Variants in ANK2 observed in about 807,000 individuals in gnomAD.
ANK2 encodes ankyrin 2, also known as ankyrin-2.
ANK2 carries 83 observed loss-of-function variants against 360.5 expected under a neutral mutation model. That is an observed-to-expected ratio of 0.23 (90% CI 0.19 to 0.28). The LOEUF is 0.28. ANK2 is among the 10% of genes least tolerant of loss of function. ANK2 has a pLI of 1.00. For missense variants in ANK2, 4,201 were observed against 4,795.7 expected (o/e 0.88, Z 3.66); for synonymous variants, 1,740 against 1,759.5 (o/e 0.99, Z 0.28).
intron 45 of ANK2, 92 bp downstream of exon 45, chr4:113,373,541 C>T: frequency 7.3e-7 from 1 of 1,364,870 alleles, no homozygotes; most frequent in Non-Finnish European, 1.0e-6. Context: ...TCATATTTTC[C>T]TCACTTCTCC....
At chr4:113,126,294 C>T (rs1313458302) in intron 1 of ANK2, among the ~76,000 whole-genome samples, 1 of 152,192 alleles carries the variant, frequency 6.6e-6, no homozygotes, top group African/African-American at 2.4e-5. Context: ...CAAAAGTCCA[C>T]AGTAAACGCT....
intron 1 of ANK2, among the ~76,000 whole-genome samples, chr4:113,127,072 G>A (rs1312926346): frequency 6.6e-6 from 1 of 152,168 alleles, no homozygotes; most frequent in Non-Finnish European, 1.5e-5. Context: ...TTCAGAGAAT[G>A]ATGCTTCTTA....
chr4:113,055,793 CAT>C (rs946573155), intron 1 of ANK2, among the ~76,000 whole-genome samples: 4 of 152,126 alleles, frequency 2.6e-5, no homozygotes, highest in Non-Finnish European at 4.4e-5. Context: ...CAACTAATAA[CAT>C]ATTTTGAGCC....
intron 1 of ANK2, among the ~76,000 whole-genome samples, chr4:112,836,801 G>T (rs2061085340): frequency 6.6e-6 from 1 of 152,196 alleles, no homozygotes; most frequent in Non-Finnish European, 1.5e-5. Flanking sequence ...AGGTGACCTG[G>T]TTTTTCCTGA....
intron 2 of ANK2, among the ~76,000 whole-genome samples, chr4:113,040,801 T>G (rs766940662): frequency 2.6e-5 from 4 of 152,094 alleles, no homozygotes; most frequent in African/African-American, 4.8e-5. Flanking sequence ...CTGTCTTCCC[T>G]ATGCTAACTA....
chr4:113,196,547 A>G, intron 3 of ANK2, 81 bp downstream of exon 3: 1 of 1,263,986 alleles, frequency 7.9e-7, no homozygotes, highest in South Asian at 1.3e-5. Flanking sequence ...TTTATTTTTT[A>G]GACAAGGTCT....
At position 113,355,615 on chromosome 4, in the gene ANK2, G is replaced by A; in HGVS notation, c.6997G>A (p.Val2333Ile). The change falls in exon 38 of 46, where the codon GTA becomes ATA. Residue 2333 changes from valine to isoleucine, a missense_variant. Around this residue, in one of 4 missense-constraint regions of ANK2, gnomAD observed 2,642 missense variants for 2,714.5 expected, o/e 0.97. Transcript: ENST00000357077. Reference sequence around the variant, plus strand: ...AGATGATTGCACAGGCAGCTGTAGTGTAGCATTAGCTAAAGAGACACCTAC... The same window carrying A: ...AGATGATTGCACAGGCAGCTGTAGTATAGCATTAGCTAAAGAGACACCTAC... Reference protein sequence around the residue: ...RQDDCTGSCSVALAKETPTGL... With the variant: ...RQDDCTGSCSIALAKETPTGL... The A allele has an allele frequency of 6.2e-7, 1 of 1,614,088 alleles. No individual in the cohort carries two copies. The highest frequency in any genetic ancestry group is 8.5e-7 in the Non-Finnish European group (1 of 1,179,982).
chr4:113,205,215 G>C (rs1191785221), intron 4 of ANK2, among the ~76,000 whole-genome samples: 4 of 110,016 alleles, frequency 3.6e-5, no homozygotes, highest in African/African-American at 1.5e-4. Flanking sequence ...CAGTCTGGGC[G>C]ACAGAGCAAG....
At chr4:113,328,797 G>C (rs1228728613) in intron 26 of ANK2, among the ~76,000 whole-genome samples, 2 of 152,146 alleles carry the variant, frequency 1.3e-5, no homozygotes, top group Non-Finnish European at 2.9e-5. Flanking sequence ...CTAGCAACAG[G>C]ATTTCTGTTT....
intron 42 of ANK2, among the ~76,000 whole-genome samples, chr4:113,368,381 TA>T (rs1206316179): frequency 2.0e-5 from 3 of 152,096 alleles, no homozygotes; most frequent in African/African-American, 7.2e-5. Flanking sequence ...GGACTAATCA[TA>T]AAAATATAAA....
At chr4:113,242,062 C>A in intron 8 of ANK2, 49 bp from the exon 9 acceptor site, 1 of 1,476,414 alleles carries the variant, frequency 6.8e-7, no homozygotes, top group Non-Finnish European at 9.5e-7. Flanking sequence ...GCATCGCCAT[C>A]ATGCCCTGTC....
At chr4:112,719,108 T>C in the ANK2 span, among the ~76,000 whole-genome samples, 1 of 152,228 alleles carries the variant, frequency 6.6e-6, no homozygotes, top group Non-Finnish European at 1.5e-5. Context: ...ATTCTTTACA[T>C]GTATTATTTC....
rs1159096479 is a variant in ANK2 at position 113,356,517 on chromosome 4, T to C, written c.7899T>C (p.Asp2633=). ...ACCCAGATGCTGACTGTTCAGTAGA[T>C]GTGGATGAACCAAAACATACAGGCA... ...SSDPDADCSV[D]VDEPKHTGSG... The change falls in exon 38 of 46, where the codon GAT becomes GAC. Residue 2633 remains aspartate, a synonymous_variant. Coordinates refer to ENST00000357077, the MANE Select transcript of ANK2 (RefSeq NM_001148.6). 5 of 1,614,134 alleles carry C rather than the reference T, an allele frequency of 3.1e-6. No homozygotes were observed. Among genetic ancestry groups the C allele is most frequent in the Non-Finnish European group, 4.2e-6 (5 of 1,179,988 alleles).
At chr4:113,378,594 G>T (rs2097049370) in intron 45 of ANK2, among the ~76,000 whole-genome samples, 1 of 152,160 alleles carries the variant, frequency 6.6e-6, no homozygotes, top group Admixed American at 6.5e-5. Context: ...TACTTTGAAT[G>T]GTATGTGCTT....
At chr4:113,334,470 TCTTTAA>T (rs1016439783) in intron 29 of ANK2, among the ~76,000 whole-genome samples, 4 of 152,052 alleles carry the variant, frequency 2.6e-5, no homozygotes, top group Admixed American at 2.0e-4. Flanking sequence ...GGGGACCCAC[TCTTTAA>T]CTTTATTTAT....
chr4:113,312,915 G>A (rs1310590300), intron 24 of ANK2, among the ~76,000 whole-genome samples: 1 of 152,172 alleles, frequency 6.6e-6, no homozygotes, highest in African/African-American at 2.4e-5. Context: ...TTAACTGCAG[G>A]TGTCATGAGA....
chr4:112,959,559 A>C (rs1164383945), intron 2 of ANK2, among the ~76,000 whole-genome samples: 1 of 152,242 alleles, frequency 6.6e-6, no homozygotes, highest in Non-Finnish European at 1.5e-5. Context: ...AAACACTCAC[A>C]TGTGATAGGT....
At chr4:113,339,410 T>A in intron 32 of ANK2, 88 bp downstream of exon 32, 2 of 1,075,830 alleles carry the variant, frequency 1.9e-6, no homozygotes, top group Non-Finnish European at 2.8e-6. Context: ...CTTTATTGTT[T>A]AAAAGTTATT....
At chr4:112,814,537 C>T (rs564547605), upstream of ANK2, among the ~76,000 whole-genome samples, 9 of 152,182 alleles carry the variant, frequency 5.9e-5, no homozygotes, top group Non-Finnish European at 1.2e-4. Context: ...GCCTCAACCT[C>T]CCTGGGCTCA....
Sources: gnomAD v4.1 joint callset for allele counts (sites outside exome capture counted in the v4.1 genomes callset) on GRCh38, gnomAD v4.1.1 for gene constraint, gnomAD v4.1.1 regional missense constraint, MANE v1.5 for transcripts, NCBI Gene and HGNC (gene_info 2026-07-23, HGNC 2026-07-21) for gene names.